GPC6: variants seen among roughly 807,000 people sequenced by gnomAD.
GPC6 encodes the protein glypican 6, also known as glypican-6.
A neutral mutation model predicts 55.2 loss-of-function variants in GPC6; 14 were observed. The ratio of observed to expected loss-of-function variants is 0.25; its 90% CI spans 0.17 to 0.40. GPC6 has a LOEUF of 0.40. Ranked by LOEUF, GPC6 falls within the 10% of genes least tolerant of loss-of-function variation. The probability of loss-of-function intolerance (pLI) is 1.00; values close to 1 mark genes in which losing one functional copy is unlikely to be tolerated. For missense variants in GPC6, 641 were observed against 708.5 expected (o/e 0.90, Z 1.08); for synonymous variants, 278 against 259.6 (o/e 1.07, Z -0.68).
chr13:93,417,573 A>G (rs1482975800), intron 1 of GPC6, among the ~76,000 whole-genome samples: 1 of 152,106 alleles, frequency 6.6e-6, no homozygotes, highest in Non-Finnish European at 1.5e-5. Flanking sequence ...AATAACCAAA[A>G]TGAGGTGGGG....
At chr13:93,264,121 G>C (rs1374280255) in intron 1 of GPC6, among the ~76,000 whole-genome samples, 4 of 152,124 alleles carry the variant, frequency 2.6e-5, no homozygotes, top group African/African-American at 9.7e-5. Context: ...TCTAACTTCA[G>C]ATGGAGTAGA....
At chr13:93,494,528 A>T (rs1445852411) in intron 1 of GPC6, among the ~76,000 whole-genome samples, 1 of 152,088 alleles carries the variant, frequency 6.6e-6, no homozygotes, top group African/African-American at 2.4e-5. Flanking sequence ...TTTACATTTA[A>T]AGTTAATATT....
At chr13:94,123,417 A>G (rs769027939) in intron 4 of GPC6, among the ~76,000 whole-genome samples, 5 of 152,126 alleles carry the variant, frequency 3.3e-5, no homozygotes, top group Admixed American at 2.6e-4. Context: ...TAATCCTATT[A>G]TGAAACAGGT....
At chr13:94,202,433 C>A (rs1422884485) in intron 4 of GPC6, among the ~76,000 whole-genome samples, 1 of 152,078 alleles carries the variant, frequency 6.6e-6, no homozygotes, top group African/African-American at 2.4e-5. Context: ...AAAGGCATGT[C>A]CTACATGGTG....
At chr13:93,733,108 T>C (rs4144545) in intron 2 of GPC6, among the ~76,000 whole-genome samples, 30,297 of 151,914 alleles carry the variant, frequency 0.2, 4,721 homozygotes, top group East Asian at 0.56. Context: ...GTATGCCACT[T>C]GGAAATTTCA....
intron 2 of GPC6, among the ~76,000 whole-genome samples, chr13:93,584,679 T>C (rs1877105903): frequency 6.8e-6 from 1 of 147,074 alleles, no homozygotes; most frequent in African/African-American, 2.6e-5. Flanking sequence ...TGTTACCTTC[T>C]GAAAGTTTTT....
In GPC6 at chr13:94,403,335, A is replaced by G; in HGVS notation, c.*118A>G. 2.6e-6 allele frequency: 2 copies of G among 776,212 alleles called. No individual in the cohort carries two copies. The highest frequency in any genetic ancestry group is 4.4e-6 in the Non-Finnish European group (2 of 452,980). The allele number at this position is 776,212 out of a possible 1,614,324, so 48.1% of individuals were successfully genotyped here. A position where few individuals can be genotyped will look rare whatever the true frequency, so the allele number is the denominator to read the frequency against. ...CAAAAACTTACCGTTTTCTATGAGA[A>G]GAGAGCAGTAATGCAATCTGCCTCC... On this transcript the variant is annotated 3_prime_UTR_variant, in exon 9 of 9. Transcript: ENST00000377047.
At chr13:94,111,072 A>C (rs564809993) in intron 4 of GPC6, among the ~76,000 whole-genome samples, 14 of 152,182 alleles carry the variant, frequency 9.2e-5, no homozygotes, top group Admixed American at 5.9e-4. Flanking sequence ...CATTTCCCTG[A>C]TTGCTGATAA....
At chr13:93,367,803 GTA>G (rs145932216) in intron 1 of GPC6, among the ~76,000 whole-genome samples, 52,422 of 151,694 alleles carry the variant, frequency 0.35, 11,332 homozygotes, top group Non-Finnish European at 0.5. Flanking sequence ...AATATACTCT[GTA>G]TATATTTAAT....
intron 1 of GPC6, among the ~76,000 whole-genome samples, chr13:93,231,332 T>TAC (rs1876004677): frequency 3.1e-5 from 1 of 32,088 alleles, no homozygotes; most frequent in Non-Finnish European, 5.1e-5. Context: ...TATATATACG[T>TAC]ATATATATAT....
chr13:93,274,264 C>A (rs1323395954), intron 1 of GPC6, among the ~76,000 whole-genome samples: 2 of 152,106 alleles, frequency 1.3e-5, no homozygotes, highest in Non-Finnish European at 2.9e-5. Context: ...ATTATGGAGT[C>A]CCTAAGGTAT....
At chr13:93,414,829 A>G (rs1876638139) in intron 1 of GPC6, among the ~76,000 whole-genome samples, 1 of 151,962 alleles carries the variant, frequency 6.6e-6, no homozygotes, top group Non-Finnish European at 1.5e-5. Context: ...TAATGTTATG[A>G]TTTGCTTAGG....
At chr13:93,386,098 T>TAA (rs34852109) in intron 1 of GPC6, among the ~76,000 whole-genome samples, 4,411 of 127,664 alleles carry the variant, frequency 0.035, 102 homozygotes, top group Admixed American at 0.058. Context: ...ACCACTTTGT[T>TAA]AAAAAAAAAA....
intron 2 of GPC6, among the ~76,000 whole-genome samples, chr13:93,734,992 T>G (rs1480471782): frequency 1.3e-5 from 2 of 152,154 alleles, no homozygotes; most frequent in Non-Finnish European, 2.9e-5. Flanking sequence ...AAATCTTACC[T>G]TATAACTTAA....
intron 2 of GPC6, among the ~76,000 whole-genome samples, chr13:93,674,162 T>C (rs2139632061): frequency 6.6e-6 from 1 of 152,210 alleles, no homozygotes; most frequent in East Asian, 1.9e-4. Context: ...TGGATTTAGG[T>C]CATCAGGCTG....
chr13:94,326,335 A>T (rs1436954788), intron 6 of GPC6, among the ~76,000 whole-genome samples: 1 of 152,030 alleles, frequency 6.6e-6, no homozygotes, highest in Non-Finnish European at 1.5e-5. Flanking sequence ...CAGAGGCACA[A>T]AGTTAAGATT....
At chr13:93,982,503 A>G (rs776412837) in intron 3 of GPC6, among the ~76,000 whole-genome samples, 1 of 152,108 alleles carries the variant, frequency 6.6e-6, no homozygotes, top group Non-Finnish European at 1.5e-5. Flanking sequence ...AAAGATACCG[A>G]CCCTACATTA....
At chr13:94,144,378 A>T (rs916917462) in intron 4 of GPC6, among the ~76,000 whole-genome samples, 3 of 148,116 alleles carry the variant, frequency 2.0e-5, no homozygotes, top group Admixed American at 1.4e-4. Context: ...CCTGGCCTCT[A>T]CTCTTTGCCT....
chr13:93,670,578 A>G (rs1424476326), intron 2 of GPC6, among the ~76,000 whole-genome samples: 2 of 152,204 alleles, frequency 1.3e-5, no homozygotes, highest in Non-Finnish European at 2.9e-5. Context: ...AAGATATAAT[A>G]TTACATAATA....
Sources: allele counts gnomAD v4.1 joint callset (sites outside exome capture counted in the v4.1 genomes callset), GRCh38; gene constraint gnomAD v4.1.1; transcripts MANE v1.5; gene names NCBI Gene and HGNC (gene_info 2026-07-23, HGNC 2026-07-21).